Variants in GPC6 observed in about 807,000 individuals in gnomAD.
GPC6 encodes glypican 6.
Under a neutral mutation model 55.2 loss-of-function variants are expected in GPC6, and 14 were observed. That is an observed-to-expected ratio of 0.25 (90% CI 0.17 to 0.40). GPC6 has a LOEUF of 0.40. Ranked by LOEUF, GPC6 falls within the 10% of genes least tolerant of loss-of-function variation. GPC6 has a pLI of 1.00. For synonymous variants in GPC6, 278 were observed against 259.6 expected (o/e 1.07, Z -0.68); for missense variants, 641 against 708.5 (o/e 0.90, Z 1.08).
chr13:94,069,419 C>G (rs1326116090), intron 4 of GPC6, among the ~76,000 whole-genome samples: 1 of 152,172 alleles, frequency 6.6e-6, no homozygotes, highest in Non-Finnish European at 1.5e-5. Flanking sequence ...CTGACATACC[C>G]TAGAGATATT....
intron 3 of GPC6, among the ~76,000 whole-genome samples, chr13:93,970,186 A>G (rs945938): frequency 0.23 from 35,417 of 152,068 alleles, 4,708 homozygotes; most frequent in East Asian, 0.39. Flanking sequence ...TAGGAATGAT[A>G]ATAAAGTAGT....
intron 2 of GPC6, among the ~76,000 whole-genome samples, chr13:93,785,318 A>T (rs151056630): frequency 2.4e-3 from 370 of 152,344 alleles, no homozygotes; most frequent in Middle Eastern, 0.014. Flanking sequence ...AGAAGAGTAT[A>T]GTCTTTCAAA....
chr13:93,530,084 A>G (rs1881807468), intron 1 of GPC6, among the ~76,000 whole-genome samples: 1 of 152,212 alleles, frequency 6.6e-6, no homozygotes, highest in African/African-American at 2.4e-5. Flanking sequence ...TTTGGGGTGT[A>G]ATAGCAGTGG....
At chr13:93,352,454 T>C (rs1181542218) in intron 1 of GPC6, among the ~76,000 whole-genome samples, 1 of 152,202 alleles carries the variant, frequency 6.6e-6, no homozygotes, top group East Asian at 1.9e-4. Flanking sequence ...GAAATTCTAT[T>C]TAGCTTGGTA....
chr13:93,802,331 C>A (rs1886401197), intron 2 of GPC6, among the ~76,000 whole-genome samples: 1 of 151,984 alleles, frequency 6.6e-6, no homozygotes, highest in Non-Finnish European at 1.5e-5. Flanking sequence ...TTTTTGCTAT[C>A]ACTCAGACAC....
At position 94,366,465 on chromosome 13, in the gene GPC6, T is replaced by C. The variant is rs141557254; in HGVS notation, c.1153-15949T>C. Reference sequence around the variant, plus strand: ...ACTTCCAAAAGGTTTCATTCCATAATGATGATAGAATAGATGATGGTAGGA... The same window carrying C: ...ACTTCCAAAAGGTTTCATTCCATAACGATGATAGAATAGATGATGGTAGGA... On this transcript the variant is annotated intron_variant, in intron 6 of 8. Coordinates refer to ENST00000377047, the MANE Select transcript of GPC6 (RefSeq NM_005708.5). Among the ~76,000 whole-genome samples the C allele has an allele frequency of 5.5e-3, 837 of 152,334 alleles. 4 individuals carry two copies. Among genetic ancestry groups the C allele is most frequent in the African/African-American group, 0.019 (776 of 41,574 alleles).
At chr13:94,002,594 G>A (rs185821756) in intron 3 of GPC6, among the ~76,000 whole-genome samples, 1 of 152,196 alleles carries the variant, frequency 6.6e-6, no homozygotes, top group African/African-American at 2.4e-5. Flanking sequence ...GGATGTAAAA[G>A]CAAAGGGAAT....
At chr13:93,418,699 T>C (rs527674020) in intron 1 of GPC6, among the ~76,000 whole-genome samples, 2 of 151,608 alleles carry the variant, frequency 1.3e-5, no homozygotes, top group East Asian at 2.0e-4. Context: ...TATACCGTAG[T>C]GTCATTTTGT....
intron 2 of GPC6, among the ~76,000 whole-genome samples, chr13:93,627,598 T>C (rs1186743770): frequency 1.3e-5 from 2 of 152,216 alleles, no homozygotes; most frequent in African/African-American, 4.8e-5. Flanking sequence ...ATAAGTACGC[T>C]TCAGATCTTT....
intron 3 of GPC6, among the ~76,000 whole-genome samples, chr13:93,994,806 T>C (rs1180781015): frequency 6.6e-6 from 1 of 152,350 alleles, no homozygotes; most frequent in East Asian, 1.9e-4. Flanking sequence ...GATTTTTAAA[T>C]GGGCACACTT....
intron 1 of GPC6, among the ~76,000 whole-genome samples, chr13:93,255,571 A>G (rs1014632290): frequency 6.6e-6 from 1 of 152,062 alleles, no homozygotes; most frequent in East Asian, 1.9e-4. Context: ...GTTTCTTTCA[A>G]TGTCATACAT....
chr13:94,074,623 G>A (rs189574310), intron 4 of GPC6, among the ~76,000 whole-genome samples: 6 of 152,260 alleles, frequency 3.9e-5, no homozygotes, highest in Non-Finnish European at 5.9e-5. Context: ...TGTTGAAGAC[G>A]GAAGCAGAGC....
chr13:93,904,910 A>G (rs992349549), intron 3 of GPC6, among the ~76,000 whole-genome samples: 30 of 148,396 alleles, frequency 2.0e-4, no homozygotes, highest in Non-Finnish European at 7.5e-5. Context: ...ATATCTCCCA[A>G]TGCTATCCCT....
At chr13:94,378,112 G>T (rs1307975328) in intron 6 of GPC6, among the ~76,000 whole-genome samples, 2 of 151,998 alleles carry the variant, frequency 1.3e-5, no homozygotes, top group Non-Finnish European at 2.9e-5. Flanking sequence ...CGAGTTAGTG[G>T]GTGCAGTGCA....
chr13:93,447,159 C>T (rs938473537), intron 1 of GPC6, among the ~76,000 whole-genome samples: 8 of 152,140 alleles, frequency 5.3e-5, no homozygotes, highest in Non-Finnish European at 7.4e-5. Flanking sequence ...CTGTCATTGT[C>T]ATTAACTCAT....
chr13:93,447,359 C>CT (rs1356771494), intron 1 of GPC6, among the ~76,000 whole-genome samples: 7 of 151,978 alleles, frequency 4.6e-5, no homozygotes, highest in South Asian at 2.1e-4. Flanking sequence ...TTATGTTAAC[C>CT]TTTTTTTTCT....
intron 1 of GPC6, among the ~76,000 whole-genome samples, chr13:93,228,693 C>T (rs927261738): frequency 3.9e-5 from 6 of 152,160 alleles, no homozygotes; most frequent in African/African-American, 1.4e-4. Flanking sequence ...GGAGATGCTG[C>T]GAGGGCGCGG....
At chr13:93,510,565 A>T (rs770939647) in intron 1 of GPC6, among the ~76,000 whole-genome samples, 1 of 151,936 alleles carries the variant, frequency 6.6e-6, no homozygotes, top group Non-Finnish European at 1.5e-5. Context: ...TTCATCTGTT[A>T]ATAGACAGTT....
intron 2 of GPC6, among the ~76,000 whole-genome samples, chr13:93,578,836 C>T (rs921249860): frequency 6.6e-6 from 1 of 151,712 alleles, no homozygotes; most frequent in African/African-American, 2.4e-5. Flanking sequence ...ATAAACTTCC[C>T]TCTCAGTACT....
Sources: gnomAD v4.1 joint callset for allele counts (sites outside exome capture counted in the v4.1 genomes callset) on GRCh38, gnomAD v4.1.1 for gene constraint, MANE v1.5 for transcripts, NCBI Gene and HGNC (gene_info 2026-07-23, HGNC 2026-07-21) for gene names.